FOXP2: variants seen among roughly 807,000 people sequenced by gnomAD.
FOXP2 encodes the protein forkhead box P2.
Under a neutral mutation model 115.8 loss-of-function variants are expected in FOXP2, and 12 were observed. The ratio of observed to expected loss-of-function variants is 0.10; its 90% confidence interval spans 0.07 to 0.17. FOXP2 has a LOEUF of 0.17. FOXP2 is among the 10% of genes least tolerant of loss of function. The probability of loss-of-function intolerance (pLI) is 1.00; values close to 1 mark genes in which losing one functional copy is unlikely to be tolerated. For synonymous variants in FOXP2, 328 were observed against 297.7 expected (o/e 1.10, Z -1.05); for missense variants, 629 against 843.5 (o/e 0.75, Z 3.15).
At chr7:114,144,877 T>C (rs1264826513) in intron 1 of FOXP2, among the ~76,000 whole-genome samples, 1 of 152,144 alleles carries the variant, frequency 6.6e-6, no homozygotes, top group African/African-American at 2.4e-5. Context: ...AAAAGGATGA[T>C]AGTATTAAGA....
chr7:114,129,506 TA>T (rs890638663), intron 1 of FOXP2, among the ~76,000 whole-genome samples: 27 of 149,154 alleles, frequency 1.8e-4, no homozygotes, highest in African/African-American at 4.2e-4. Context: ...AACTTGAGAC[TA>T]AAAAAAAAAT....
intron 3 of FOXP2, among the ~76,000 whole-genome samples, chr7:114,609,482 C>T (rs776616240): frequency 5.9e-5 from 9 of 152,106 alleles, no homozygotes; most frequent in Non-Finnish European, 2.9e-5. Context: ...ATTCGATATT[C>T]TAAGAAGTGA....
chr7:114,631,801 A>G, intron 6 of FOXP2, 96 bp downstream of exon 6: 1 of 1,269,564 alleles, frequency 7.9e-7, no homozygotes, highest in Non-Finnish European at 1.1e-6. Flanking sequence ...TTTTGTTTTT[A>G]TGACTTTCAA....
intron 2 of FOXP2, among the ~76,000 whole-genome samples, chr7:114,474,313 T>C (rs1796165433): frequency 6.6e-6 from 1 of 152,224 alleles, no homozygotes; most frequent in East Asian, 1.9e-4. Context: ...ATTTTGTCTA[T>C]GTCTTACTCC....
intron 1 of FOXP2, among the ~76,000 whole-genome samples, chr7:114,136,817 G>A (rs948757935): frequency 2.0e-5 from 3 of 151,738 alleles, no homozygotes; most frequent in Admixed American, 6.6e-5. Flanking sequence ...TTTTATCTTT[G>A]GACATTATTT....
intron 3 of FOXP2, among the ~76,000 whole-genome samples, chr7:114,568,431 T>C (rs1176370159): frequency 1.4e-5 from 2 of 147,496 alleles, no homozygotes; most frequent in African/African-American, 2.5e-5. Context: ...TGGGTTTTTT[T>C]TTGGGGGGGG....
chr7:114,498,949 T>C, intron 2 of FOXP2: 1 of 717,780 alleles, frequency 1.4e-6, no homozygotes. Context: ...ACTGATGACC[T>C]AGAAGAGCGA....
intron 2 of FOXP2, among the ~76,000 whole-genome samples, chr7:114,494,969 G>A (rs948581337): frequency 6.6e-6 from 1 of 152,130 alleles, no homozygotes; most frequent in African/African-American, 2.4e-5. Flanking sequence ...AATGACAGGT[G>A]GCATGGTTTT....
At chr7:114,548,618 G>C (rs1296785508) in intron 3 of FOXP2, among the ~76,000 whole-genome samples, 4 of 152,098 alleles carry the variant, frequency 2.6e-5, no homozygotes, top group Admixed American at 6.5e-5. Context: ...TGGGTTATAG[G>C]GTTTTAAGTT....
chr7:114,428,066 G>A (rs1240656319), intron 2 of FOXP2, among the ~76,000 whole-genome samples: 1 of 151,506 alleles, frequency 6.6e-6, no homozygotes, highest in Non-Finnish European at 1.5e-5. Flanking sequence ...TGTATTCGCA[G>A]GAAATATCAC....
At chr7:114,544,793 C>G (rs1032605384) in intron 3 of FOXP2, among the ~76,000 whole-genome samples, 1 of 152,212 alleles carries the variant, frequency 6.6e-6, no homozygotes, top group Admixed American at 6.5e-5. Context: ...AACATATTAA[C>G]TGGTGATTAA....
At chr7:114,237,658 T>C (rs1377819797) in intron 1 of FOXP2, among the ~76,000 whole-genome samples, 3 of 152,074 alleles carry the variant, frequency 2.0e-5, no homozygotes, top group Non-Finnish European at 2.9e-5. Context: ...TTTTTTTTGT[T>C]TGTTTTTTAA....
At chr7:114,353,865 C>A (rs944757571) in intron 2 of FOXP2, among the ~76,000 whole-genome samples, 1 of 152,098 alleles carries the variant, frequency 6.6e-6, no homozygotes. Flanking sequence ...TATAACCCAT[C>A]TCATACAATA....
intron 2 of FOXP2, among the ~76,000 whole-genome samples, chr7:114,351,967 TTTCAGAAAACTGAGTTAGAACCA>T (rs948163326): frequency 3.3e-5 from 5 of 152,084 alleles, no homozygotes; most frequent in Admixed American, 1.3e-4. Flanking sequence ...CGGATGAAAT[TTTCAGAAAACTGAGTTAGAACCA>T]GGTGCAGTGG....
At chr7:114,594,276 A>G (rs182117246) in intron 3 of FOXP2, among the ~76,000 whole-genome samples, 245 of 152,146 alleles carry the variant, frequency 1.6e-3, no homozygotes, top group Non-Finnish European at 2.8e-3. Flanking sequence ...AAATTTGCTC[A>G]ATGTCCTGTG....
chr7:114,568,354 G>A (rs112709951), intron 3 of FOXP2, among the ~76,000 whole-genome samples: 24 of 151,282 alleles, frequency 1.6e-4, no homozygotes, highest in African/African-American at 5.8e-4. Flanking sequence ...GAAAAATAAT[G>A]AGTATATACT....
At chr7:114,160,439 A>G (rs1442463448), upstream of FOXP2, among the ~76,000 whole-genome samples, 1 of 152,102 alleles carries the variant, frequency 6.6e-6, no homozygotes, top group African/African-American at 2.4e-5. Context: ...TTCTTTGTAT[A>G]TGGTGAATTC....
intron 1 of FOXP2, among the ~76,000 whole-genome samples, chr7:114,279,559 G>T (rs904926461): frequency 6.6e-6 from 1 of 152,142 alleles, no homozygotes; most frequent in Non-Finnish European, 1.5e-5. Context: ...ATCTCTAGCA[G>T]CAGGAAAGTG....
At chr7:114,125,309 A>T (rs1396690109) in intron 1 of FOXP2, among the ~76,000 whole-genome samples, 1 of 152,188 alleles carries the variant, frequency 6.6e-6, no homozygotes, top group African/African-American at 2.4e-5. Flanking sequence ...TAATCCATTC[A>T]GTATTTTAAA....
Sources: gnomAD v4.1 joint callset for allele counts (sites outside exome capture counted in the v4.1 genomes callset) on GRCh38, gnomAD v4.1.1 for gene constraint, MANE v1.5 for transcripts, NCBI Gene and HGNC (gene_info 2026-07-23, HGNC 2026-07-21) for gene names.